Variants in PPIL2 observed in about 807,000 individuals in gnomAD.
PPIL2 encodes RING-type E3 ubiquitin-protein ligase PPIL2.
PPIL2 carries 50 observed loss-of-function variants against 75.2 expected under a neutral mutation model. The ratio of observed to expected loss-of-function variants is 0.66; its 90% CI spans 0.53 to 0.84. The LOEUF is 0.84. PPIL2 is among the 40% of genes least tolerant of loss of function. The pLI is 0.00. For missense variants in PPIL2, 590 were observed against 685.0 expected (o/e 0.86, Z 1.55); for synonymous variants, 245 against 258.8 (o/e 0.95, Z 0.51).
intron 15 of PPIL2, among the ~76,000 whole-genome samples, chr22:21,691,609 G>A (rs1343668011): frequency 1.3e-5 from 2 of 152,044 alleles, no homozygotes; most frequent in African/African-American, 4.8e-5. Context: ...GAACCCAGGA[G>A]GCAGAGCTTG....
intron 10 of PPIL2, among the ~76,000 whole-genome samples, chr22:21,685,171 T>C (rs1258356449): frequency 1.3e-5 from 2 of 152,060 alleles, no homozygotes; most frequent in East Asian, 3.9e-4. Flanking sequence ...CCAAGGGGTG[T>C]GTGGGGGCAT....
At chr22:21,687,124 C>T (rs999412588) in intron 12 of PPIL2, 126 bp downstream of exon 12, 10 of 905,468 alleles carry the variant, frequency 1.1e-5, no homozygotes, top group East Asian at 7.8e-5. Flanking sequence ...TGTCACTAGG[C>T]GGGACCCGCA....
At position 21,695,615 on chromosome 22, in the gene PPIL2, G is replaced by A. The variant is rs890709847; in HGVS notation, c.*125G>A. 7.4e-6 allele frequency: 11 copies of A among 1,495,808 alleles called. 1 individual carries two copies. The Admixed American group carries it at 2.3e-4, about 32-fold the overall frequency. 92.7% of individuals were successfully genotyped at this position (1,495,808 alleles called of 1,614,324 possible). On this transcript the variant is annotated 3_prime_UTR_variant, in exon 20 of 20. Coordinates refer to ENST00000398831, the MANE Select transcript of PPIL2 (RefSeq NM_014337.4). ...CCAATAAATTGCTTGCCTGCTGCCT[G>A]CATCCCCTTTCCTGGCCCCTGGGAG...
rs1218173507 is a variant in PPIL2 at position 21,684,884 on chromosome 22, GAGA to G, written c.693_695del (p.Lys232del). ...TCTGGCAGCCACCATGAAGGCCCCG[GAGA>G]AGAAGAAAGTGGACAAGCTGAACGC... On this transcript the variant is annotated inframe_deletion, in exon 10 of 20. Transcript: ENST00000398831. 1.9e-6 allele frequency: 3 copies of G among 1,613,954 alleles called. No homozygotes were observed. The highest frequency in any genetic ancestry group is 2.2e-5 in the East Asian group (1 of 44,892).
At chr22:21,688,604 C>T in intron 14 of PPIL2, 128 bp from the exon 15 acceptor site, 2 of 842,502 alleles carry the variant, frequency 2.4e-6, no homozygotes, top group South Asian at 3.2e-5. Flanking sequence ...CTGGGAGCCT[C>T]CCTATCAAGT....
At position 21,692,413 on chromosome 22, in the gene PPIL2, C is replaced by T. The variant is rs570158301; in HGVS notation, c.1140-1403C>T. On this transcript the variant is annotated intron_variant, in intron 15 of 19. Transcript: ENST00000398831. ...TTGTGATCCGCCCACCTTGGCCTCCCAAAGTGCTGGGATTACAGGCGTGAG... is the reference window on the plus strand; with the variant it reads ...TTGTGATCCGCCCACCTTGGCCTCCTAAAGTGCTGGGATTACAGGCGTGAG... Among the ~76,000 whole-genome samples the T allele has an allele frequency of 2.1e-3, 313 of 151,930 alleles. 7 individuals carry two copies. The highest frequency in any genetic ancestry group is 0.02 in the Admixed American group (307 of 15,260).
rs3209602 is a variant in PPIL2, at chr22:21,697,259, G to A, written c.*1769G>A. The A allele has an allele frequency of 0.24, 110,792 of 465,672 alleles. 13,478 individuals are homozygous for A. The highest frequency in any genetic ancestry group is 0.3 in the Middle Eastern group (496 of 1,630). The allele number at this position is 465,672 out of a possible 1,614,324, so 28.8% of individuals were successfully genotyped here. The stretch of plus-strand genomic sequence containing the variant: ...CTCTGAGCCAGCGTCCAGGGTACAG[G>A]TGCGGGTGGTGGGGATGAAGGCCTG... On this transcript the variant is annotated 3_prime_UTR_variant, in exon 20 of 20. Transcript: ENST00000398831.
intron 10 of PPIL2, 54 bp downstream of exon 10, chr22:21,684,967 C>G (rs2067296966): frequency 1.2e-6 from 2 of 1,600,456 alleles, no homozygotes; most frequent in African/African-American, 1.3e-5. Context: ...CTGCCCATCT[C>G]ATGGCCTCTT....
intron 2 of PPIL2, 27 bp downstream of exon 2, chr22:21,669,989 C>T (rs753365510): frequency 1.5e-5 from 24 of 1,602,420 alleles, no homozygotes; most frequent in East Asian, 6.7e-5. Flanking sequence ...TTCTGTTCCC[C>T]GTTGGGGGAG....
intron 15 of PPIL2, among the ~76,000 whole-genome samples, chr22:21,692,359 T>A (rs557444470): frequency 2.0e-4 from 31 of 151,494 alleles, no homozygotes; most frequent in South Asian, 6.3e-4. Flanking sequence ...TTTCACCGTG[T>A]TAGCGAGGAT....
intron 15 of PPIL2, among the ~76,000 whole-genome samples, chr22:21,692,341 A>G (rs974934985): frequency 5.9e-5 from 9 of 151,376 alleles, no homozygotes; most frequent in Non-Finnish European, 1.0e-4. Flanking sequence ...TTTTTAGTAG[A>G]GATGGGGTTT....
chr22:21,681,747 G>C lies in PPIL2; in HGVS notation c.387+357G>C, dbSNP rs544371179. ...GGGCTGTGAGGGGAGTGCTCGCCCCGGATCTGGATGGAGTCACTTGCCCCC... is the reference window on the plus strand; with the variant it reads ...GGGCTGTGAGGGGAGTGCTCGCCCCCGATCTGGATGGAGTCACTTGCCCCC... On this transcript the variant is annotated intron_variant, in intron 7 of 19. Transcript: ENST00000398831. Among the ~76,000 whole-genome samples, 179 of 152,358 alleles carry C rather than the reference G, an allele frequency of 1.2e-3. 1 individual carries two copies. Among genetic ancestry groups the C allele is most frequent in the Admixed American group, 2.7e-3 (41 of 15,306 alleles).
intron 13 of PPIL2, 109 bp from the exon 14 acceptor site, chr22:21,687,964 G>A: frequency 7.0e-7 from 1 of 1,423,508 alleles, no homozygotes; most frequent in African/African-American, 1.4e-5. Flanking sequence ...ATCACCAAGA[G>A]CCCAGCCCCT....
rs147314673 is a variant in PPIL2 at position 21,683,880 on chromosome 22, C to T, written c.553+623C>T. 2.0e-5 allele frequency among the ~76,000 whole-genome samples: 3 copies of T among 152,338 alleles called. No individual in the cohort carries two copies. The East Asian group carries it at 5.8e-4, about 29-fold the overall frequency. The stretch of plus-strand genomic sequence containing the variant: ...CATCTGGAAAGACCCCCAAACACTT[C>T]TATTATTTTAAATAAAAATAACCTT... On this transcript the variant is annotated intron_variant, in intron 9 of 19. Transcript: ENST00000398831.
downstream of PPIL2, chr22:21,699,875 C>T (rs1177673312): frequency 1.3e-5 from 2 of 152,554 alleles, no homozygotes; most frequent in African/African-American, 4.8e-5. Flanking sequence ...GGGCACAACC[C>T]CTGGTACCAG....
At chr22:21,690,253 G>A (rs1288694907) in intron 15 of PPIL2, among the ~76,000 whole-genome samples, 4 of 152,042 alleles carry the variant, frequency 2.6e-5, no homozygotes, top group African/African-American at 4.8e-5. Context: ...GCATGGTGGC[G>A]TGCGCCTGTA....
At chr22:21,688,292 G>C (rs983732803) in intron 14 of PPIL2, among the ~76,000 whole-genome samples, 186 bp downstream of exon 14, 1 of 152,206 alleles carries the variant, frequency 6.6e-6, no homozygotes, top group Non-Finnish European at 1.5e-5. Flanking sequence ...CCAGGTGGCT[G>C]TGAGGCCTGC....
At chr22:21,667,557 C>G (rs2066441720) in intron 1 of PPIL2, among the ~76,000 whole-genome samples, 1 of 152,072 alleles carries the variant, frequency 6.6e-6, no homozygotes, top group Non-Finnish European at 1.5e-5. Context: ...TTCACATGCT[C>G]TTTGTTTTCC....
At chr22:21,694,071 G>A (rs887588320) in intron 16 of PPIL2, among the ~76,000 whole-genome samples, 199 bp downstream of exon 16, 4 of 152,160 alleles carry the variant, frequency 2.6e-5, no homozygotes, top group African/African-American at 4.8e-5. Flanking sequence ...TAGACCCACC[G>A]GGCTCAGGAG....
Sources: gnomAD v4.1 joint callset for allele counts (sites outside exome capture counted in the v4.1 genomes callset) on GRCh38, gnomAD v4.1.1 for gene constraint, MANE v1.5 for transcripts, NCBI Gene and HGNC (gene_info 2026-07-23, HGNC 2026-07-21) for gene names.